Variants in SHISAL1 observed in about 807,000 individuals in gnomAD.
SHISAL1 encodes shisa like 1, also known as protein shisa-like-1.
SHISAL1 carries 9 observed loss-of-function variants against 22.6 expected under a neutral mutation model. The ratio of observed to expected loss-of-function variants is 0.40; its 90% CI spans 0.24 to 0.70. The LOEUF is 0.70. Ranked by LOEUF, SHISAL1 falls within the 30% of genes least tolerant of loss-of-function variation. The pLI is 0.39. For synonymous variants in SHISAL1, 119 were observed against 115.4 expected (o/e 1.03, Z -0.20); for missense variants, 246 against 270.6 (o/e 0.91, Z 0.64).
At chr22:44,308,796 GC>G (rs67765023) in intron 1 of SHISAL1, among the ~76,000 whole-genome samples, 41,333 of 152,066 alleles carry the variant, frequency 0.27, 6,224 homozygotes, top group Non-Finnish European at 0.34. Context: ...CATGACCTCT[GC>G]CCCAGGGTTG....
At chr22:44,290,630 G>A (rs1601796326) in intron 3 of SHISAL1, among the ~76,000 whole-genome samples, 1 of 152,074 alleles carries the variant, frequency 6.6e-6, no homozygotes, top group East Asian at 1.9e-4. Flanking sequence ...TAAGGTGTGG[G>A]CTCAAGACGT....
the SHISAL1 span, among the ~76,000 whole-genome samples, chr22:44,327,830 C>T: frequency 6.6e-6 from 1 of 152,186 alleles, no homozygotes; most frequent in Non-Finnish European, 1.5e-5. Context: ...GGTCACCCTC[C>T]TCACTCATCC....
intron 4 of SHISAL1, among the ~76,000 whole-genome samples, chr22:44,262,983 CCCAGCA>C (rs1158439953): frequency 6.6e-6 from 1 of 152,124 alleles, no homozygotes; most frequent in Non-Finnish European, 1.5e-5. Context: ...CAATGTGTTC[CCCAGCA>C]GCAGCAACAG....
At chr22:44,251,664 G>A (rs141313844) in intron 4 of SHISAL1, among the ~76,000 whole-genome samples, 10 of 152,308 alleles carry the variant, frequency 6.6e-5, no homozygotes, top group South Asian at 2.1e-4. Flanking sequence ...CAAAGAGAGC[G>A]AGCAAGCTTG....
chr22:44,255,015 C>T (rs2055074571), intron 4 of SHISAL1, among the ~76,000 whole-genome samples: 2 of 152,172 alleles, frequency 1.3e-5, no homozygotes, highest in Non-Finnish European at 2.9e-5. Context: ...CAAGTGATCA[C>T]CTGCTTCCAG....
At chr22:44,270,654 C>G (rs2055199567) in intron 4 of SHISAL1, among the ~76,000 whole-genome samples, 1 of 152,088 alleles carries the variant, frequency 6.6e-6, no homozygotes, top group South Asian at 2.1e-4. Context: ...GAGAGGGTCA[C>G]AGGGATCTGC....
In SHISAL1 at chr22:44,246,237, G is replaced by A. The variant is rs2054999725; in HGVS notation, c.*3448C>T. ...AATCACACCGTACACAGACGAGAGG[G>A]AAAGCATAAAACTGCTCATTAATTA... is the stretch of plus-strand genomic sequence containing the variant. On this transcript the variant is annotated 3_prime_UTR_variant, in exon 5 of 5. Transcript: ENST00000381176. The A allele has an allele frequency of 1.3e-5, 2 of 152,200 alleles. No individual in the cohort carries two copies. Among genetic ancestry groups the A allele is most frequent in the African/African-American group, 4.8e-5 (2 of 41,432 alleles). 9.4% of individuals were successfully genotyped at this position (152,200 alleles called of 1,614,324 possible). A position where few individuals can be genotyped will look rare whatever the true frequency, so the allele number is the denominator to read the frequency against.
intron 4 of SHISAL1, among the ~76,000 whole-genome samples, chr22:44,275,384 G>A (rs1440863445): frequency 6.6e-6 from 1 of 152,238 alleles, no homozygotes; most frequent in Non-Finnish European, 1.5e-5. Flanking sequence ...CCGCGAAGGG[G>A]CCGACGGCGG....
At chr22:44,295,461 T>C (rs2055378924) in intron 3 of SHISAL1, among the ~76,000 whole-genome samples, 1 of 151,636 alleles carries the variant, frequency 6.6e-6, no homozygotes, top group South Asian at 2.1e-4. Flanking sequence ...GTATTTTTAA[T>C]GACCTCAGAG....
chr22:44,286,826 C>A lies in SHISAL1; in HGVS notation c.282-1081G>T, dbSNP rs139023296. On this transcript the variant is annotated intron_variant, in intron 3 of 4. Transcript: ENST00000381176. ...CTGGAGCTGCCGAGCCCTAACAGTG[C>A]GTGCCAGGGGCTGTGGCTGCCTGAA... Among the ~76,000 whole-genome samples the A allele has an allele frequency of 4.9e-3, 747 of 152,322 alleles. 8 individuals carry two copies. The highest frequency in any genetic ancestry group is 0.017 in the African/African-American group (700 of 41,576).
chr22:44,324,698 A>T, the SHISAL1 span, among the ~76,000 whole-genome samples: 1 of 152,218 alleles, frequency 6.6e-6, no homozygotes, highest in African/African-American at 2.4e-5. Flanking sequence ...AGACTTGTCT[A>T]TGTGAAATCC....
intron 3 of SHISAL1, among the ~76,000 whole-genome samples, chr22:44,286,886 C>G (rs1340500247): frequency 6.6e-6 from 1 of 152,240 alleles, no homozygotes. Flanking sequence ...GCGCCGCCTC[C>G]GTCTGCTCCC....
chr22:44,275,339 G>GC (rs1342973636), intron 4 of SHISAL1, among the ~76,000 whole-genome samples: 2 of 152,186 alleles, frequency 1.3e-5, no homozygotes, highest in Non-Finnish European at 2.9e-5. Context: ...CACCAAGCTG[G>GC]CACCATCACC....
At chr22:44,294,223 C>T (rs73165815) in intron 3 of SHISAL1, among the ~76,000 whole-genome samples, 199 of 152,294 alleles carry the variant, frequency 1.3e-3, no homozygotes, top group Non-Finnish European at 2.2e-3. Context: ...AGTGACTTCA[C>T]ACACAGAATT....
At chr22:44,314,719 G>A (rs1485690967), upstream of SHISAL1, among the ~76,000 whole-genome samples, 2 of 152,130 alleles carry the variant, frequency 1.3e-5, no homozygotes, top group East Asian at 1.9e-4. Flanking sequence ...CCTCTCGGCC[G>A]AGGGGACCAG....
At chr22:44,285,143 C>T (rs1224773846) in intron 4 of SHISAL1, among the ~76,000 whole-genome samples, 1 of 152,220 alleles carries the variant, frequency 6.6e-6, no homozygotes, top group Non-Finnish European at 1.5e-5. Flanking sequence ...ACCCAAAACT[C>T]CACTAAATGT....
intron 4 of SHISAL1, among the ~76,000 whole-genome samples, chr22:44,265,373 T>C (rs4823208): frequency 0.26 from 39,250 of 152,062 alleles, 8,041 homozygotes; most frequent in African/African-American, 0.56. Flanking sequence ...TGCCATGAGC[T>C]ACCCTGTGGA....
chr22:44,301,853 C>T (rs2055431813), intron 1 of SHISAL1, among the ~76,000 whole-genome samples: 1 of 152,068 alleles, frequency 6.6e-6, no homozygotes, highest in Non-Finnish European at 1.5e-5. Context: ...AGAGGAGTCC[C>T]ATTCACAGAA....
chr22:44,262,180 G>A (rs2055129569), intron 4 of SHISAL1, among the ~76,000 whole-genome samples: 1 of 152,234 alleles, frequency 6.6e-6, no homozygotes. Flanking sequence ...CCACAGAGCT[G>A]GGCCCTGGAC....
Sources: gnomAD v4.1 joint callset for allele counts (sites outside exome capture counted in the v4.1 genomes callset) on GRCh38, gnomAD v4.1.1 for gene constraint, MANE v1.5 for transcripts, NCBI Gene and HGNC (gene_info 2026-07-23, HGNC 2026-07-21) for gene names.